The following FTO variants were observed in gnomAD, a reference collection of about 807,000 sequenced individuals.
The protein encoded by FTO is alpha-ketoglutarate-dependent dioxygenase FTO.
Under a neutral mutation model 63.9 loss-of-function variants are expected in FTO, and 47 were observed. The ratio of observed to expected loss-of-function variants is 0.74; its 90% confidence interval spans 0.58 to 0.94. FTO has a LOEUF of 0.94. Ranked by LOEUF, FTO falls within the 40% of genes least tolerant of loss-of-function variation. The probability of loss-of-function intolerance (pLI) is 0.00; values close to 1 mark genes in which losing one functional copy is unlikely to be tolerated. For synonymous variants in FTO, 207 were observed against 224.4 expected (o/e 0.92, Z 0.69); for missense variants, 562 against 618.1 (o/e 0.91, Z 0.96).
intron 8 of FTO, chr16:54,040,727 C>T (rs569220117): frequency 2.0e-5 from 3 of 152,056 alleles, no homozygotes; most frequent in African/African-American, 4.8e-5. Context: ...GGCTTAATGT[C>T]GTGGAGAAAC....
chr16:53,825,109 C>T (rs2078969663), intron 2 of FTO, among the ~76,000 whole-genome samples: 1 of 152,182 alleles, frequency 6.6e-6, no homozygotes, highest in African/African-American at 2.4e-5. Flanking sequence ...CATTCCTTTA[C>T]CATTTACTGA....
Position 53,795,449 on chromosome 16 carries a change from T to A in FTO, c.46-14691T>A, listed in dbSNP as rs13334018. Among the ~76,000 whole-genome samples the A allele has an allele frequency of 4.5e-4, 68 of 149,754 alleles. No individual in the cohort carries two copies. In the South Asian group the frequency reaches 0.013, roughly 29 times the overall value. On this transcript the variant is annotated intron_variant, in intron 1 of 8. Coordinates refer to ENST00000471389, the MANE Select transcript of FTO (RefSeq NM_001080432.3). The stretch of plus-strand genomic sequence containing the variant: ...ATGACACCAGACCCTGCTAATACAT[T>A]TGTGTGTGTGTGTGTGTGCGTGCGT...
At chr16:53,729,517 A>T (rs913862599) in intron 1 of FTO, among the ~76,000 whole-genome samples, 1 of 150,808 alleles carries the variant, frequency 6.6e-6, no homozygotes, top group African/African-American at 2.4e-5. Flanking sequence ...GGAAAAAAAA[A>T]GTAAAATGAC....
chr16:53,978,340 C>T (rs2083471869), intron 8 of FTO, among the ~76,000 whole-genome samples: 1 of 152,172 alleles, frequency 6.6e-6, no homozygotes, highest in African/African-American at 2.4e-5. Context: ...CTTTCAGTCT[C>T]TAATTTGCAG....
intron 1 of FTO, among the ~76,000 whole-genome samples, chr16:53,751,225 TAGTG>T (rs981824154): frequency 5.3e-5 from 8 of 151,952 alleles, no homozygotes; most frequent in African/African-American, 1.9e-4. Context: ...CCAGGCAACA[TAGTG>T]AGACCCTCTC....
intron 1 of FTO, among the ~76,000 whole-genome samples, chr16:53,753,335 T>C (rs2076844374): frequency 6.6e-6 from 1 of 150,464 alleles, no homozygotes; most frequent in Admixed American, 6.6e-5. Flanking sequence ...ATTTATTTGA[T>C]CCAGCCCAAT....
At position 53,803,946 on chromosome 16, in the gene FTO, T is replaced by A. The variant is rs545481212; in HGVS notation, c.46-6194T>A. On this transcript the variant is annotated intron_variant, in intron 1 of 8. Coordinates refer to ENST00000471389, the MANE Select transcript of FTO (RefSeq NM_001080432.3). ...ATTAATCTGTGGCCTAAAGTATAAT[T>A]TGATGTGGTACACATAGATTCCTGT... Among the ~76,000 whole-genome samples the A allele has an allele frequency of 2.0e-5, 3 of 152,330 alleles. No homozygotes were observed. In the East Asian group the frequency reaches 5.8e-4, roughly 29 times the overall value.
chr16:53,757,634 G>A (rs1371748752), intron 1 of FTO, among the ~76,000 whole-genome samples: 1 of 151,806 alleles, frequency 6.6e-6, no homozygotes, highest in Non-Finnish European at 1.5e-5. Flanking sequence ...GAGCCACTGG[G>A]GCTTTTATAA....
intron 7 of FTO, among the ~76,000 whole-genome samples, chr16:53,909,373 A>G (rs1244831517): frequency 6.6e-6 from 1 of 152,094 alleles, no homozygotes; most frequent in East Asian, 1.9e-4. Flanking sequence ...GGGGTAGAAA[A>G]TACATGTTCT....
chr16:53,947,017 T>C (rs2082665953), intron 8 of FTO, among the ~76,000 whole-genome samples: 1 of 152,228 alleles, frequency 6.6e-6, no homozygotes, highest in Non-Finnish European at 1.5e-5. Context: ...ATATTGTCTC[T>C]TCAAGGCTCC....
intron 8 of FTO, among the ~76,000 whole-genome samples, chr16:54,090,801 G>A (rs2086366142): frequency 6.6e-6 from 1 of 152,170 alleles, no homozygotes; most frequent in South Asian, 2.1e-4. Flanking sequence ...TGGGTTCACT[G>A]AGGGTCTTAC....
At chr16:53,874,271 C>A (rs996618931) in intron 5 of FTO, among the ~76,000 whole-genome samples, 3 of 152,152 alleles carry the variant, frequency 2.0e-5, no homozygotes, top group African/African-American at 7.2e-5. Context: ...TTTCCCTTAA[C>A]TTTTTGGTCA....
rs546223207 is a variant in FTO, at chr16:53,783,054, T to TG, written c.46-27086_46-27085insG. ...ATTTAACAAACATCGATTGAACCTA[T>TG]TATGTATCAGGCACTATACCAGGCA... On this transcript the variant is annotated intron_variant, in intron 1 of 8. Transcript: ENST00000471389. Among the ~76,000 whole-genome samples the TG allele has an allele frequency of 3.9e-3, 593 of 152,304 alleles. 5 individuals carry two copies. The highest frequency in any genetic ancestry group is 0.013 in the African/African-American group (559 of 41,564).
At chr16:53,740,157 A>G (rs2076497256) in intron 1 of FTO, among the ~76,000 whole-genome samples, 1 of 152,250 alleles carries the variant, frequency 6.6e-6, no homozygotes, top group Non-Finnish European at 1.5e-5. Context: ...AAGAAGCACC[A>G]GAACTTGTGT....
At chr16:54,001,440 G>T (rs945311735) in intron 8 of FTO, among the ~76,000 whole-genome samples, 10 of 152,032 alleles carry the variant, frequency 6.6e-5, no homozygotes, top group Admixed American at 6.6e-4. Flanking sequence ...ACAACATGAG[G>T]CCCCTAAACA....
intron 2 of FTO, among the ~76,000 whole-genome samples, chr16:53,820,725 G>A (rs973097488): frequency 5.3e-5 from 8 of 151,176 alleles, no homozygotes; most frequent in East Asian, 1.9e-4. Context: ...GAGAATATGC[G>A]GTGTTTGGTT....
At chr16:54,010,642 C>A (rs1489323581) in intron 8 of FTO, among the ~76,000 whole-genome samples, 2 of 152,108 alleles carry the variant, frequency 1.3e-5, no homozygotes, top group African/African-American at 4.8e-5. Flanking sequence ...TCTCTACCTC[C>A]TGATTTCATG....
intron 8 of FTO, among the ~76,000 whole-genome samples, chr16:53,980,893 G>C (rs1393977396): frequency 1.3e-5 from 2 of 152,170 alleles, no homozygotes; most frequent in African/African-American, 4.8e-5. Flanking sequence ...TGCTGATACA[G>C]TTTAGAATTG....
rs551963768 is a variant in FTO at position 53,847,848 on chromosome 16, A to T, written c.895+3550A>T. Among the ~76,000 whole-genome samples the T allele has an allele frequency of 6.6e-5, 10 of 152,240 alleles. No homozygotes were observed. In the East Asian group the frequency reaches 1.7e-3, roughly 26 times the overall value. ...ATTGGATTTTGGTGTTATAATGAGT[A>T]TACACTGTAAAATATACATTGGGTC... On this transcript the variant is annotated intron_variant, in intron 4 of 8. Transcript: ENST00000471389.
Sources: allele counts gnomAD v4.1 joint callset (sites outside exome capture counted in the v4.1 genomes callset), GRCh38; gene constraint gnomAD v4.1.1; transcripts MANE v1.5; gene names NCBI Gene and HGNC (gene_info 2026-07-23, HGNC 2026-07-21).